GNB1L: variants seen among roughly 807,000 people sequenced by gnomAD.
GNB1L encodes the protein guanine nucleotide-binding protein subunit beta-like protein 1.
GNB1L carries 20 observed loss-of-function variants against 29.1 expected under a neutral mutation model. The observed-to-expected ratio is 0.69, with a 90% CI of 0.48 to 1.00. The LOEUF (loss-of-function observed/expected upper bound fraction) is 1.00. Among genes scored for constraint, GNB1L ranks in the 50% least tolerant of loss-of-function variants. The pLI, the probability that GNB1L is intolerant of heterozygous loss-of-function variation, is 0.00. For missense variants in GNB1L, 421 were observed against 464.9 expected, an observed-to-expected ratio of 0.91 and a Z score of 0.87; for synonymous variants, 193 against 206.5, an observed-to-expected ratio of 0.93 and a Z score of 0.56.
rs1324502117 is a variant in GNB1L at position 19,816,776 on chromosome 22, C to T, written c.254+3822G>A. 2.6e-5 allele frequency among the ~76,000 whole-genome samples: 4 copies of T among 152,196 alleles called. No homozygotes were observed. The highest frequency in any genetic ancestry group is 4.4e-5 in the Non-Finnish European group (3 of 68,036). ...TGTAACTCTCCTCTCTGGGCAGGGA[C>T]AACCCTGGCCTCTGTTATCCTGGAG... is the stretch of plus-strand genomic sequence containing the variant. On this transcript the variant is annotated intron_variant, in intron 4 of 7. Coordinates refer to ENST00000329517, the MANE Select transcript of GNB1L (RefSeq NM_053004.3). This position sits in a 1 kb window ranked among gnomAD's most constrained non-coding sequence, Gnocchi z 4.4.
At chr22:19,821,100 G>A (rs2145882027) in intron 3 of GNB1L, 128 bp downstream of exon 3, 3 of 907,712 alleles carry the variant, frequency 3.3e-6, no homozygotes, top group South Asian at 3.2e-5. Flanking sequence ...TGAAAGCTCA[G>A]CAAGCCTGGG....
At chr22:19,850,441 T>G in intron 2 of GNB1L, 2 of 995,098 alleles carry the variant, frequency 2.0e-6, no homozygotes, top group Non-Finnish European at 2.4e-6. Flanking sequence ...AAGAGGAGCC[T>G]GCTTCAGAAC....
At chr22:19,789,460 G>A (rs1009416868) in intron 7 of GNB1L, among the ~76,000 whole-genome samples, 1 of 152,092 alleles carries the variant, frequency 6.6e-6, no homozygotes, top group Non-Finnish European at 1.5e-5. Context: ...AGCTCGACAG[G>A]GCTGGGAGCG....
chr22:19,813,002 C>T (rs1937512324), intron 4 of GNB1L, among the ~76,000 whole-genome samples: 1 of 152,232 alleles, frequency 6.6e-6, no homozygotes, highest in African/African-American at 2.4e-5. Flanking sequence ...CCTGGTAGAA[C>T]AGATGAGGAA....
intron 2 of GNB1L, among the ~76,000 whole-genome samples, chr22:19,845,757 C>G (rs758350177): frequency 6.6e-6 from 1 of 151,706 alleles, no homozygotes; most frequent in South Asian, 2.1e-4. Flanking sequence ...GGCTGTCCAG[C>G]GACAAGGCAC....
chr22:19,788,376 C>G lies in GNB1L; in HGVS notation c.*333G>C. The G allele has an allele frequency of 1.7e-6, 1 of 582,708 alleles. No individual in the cohort carries two copies. Among genetic ancestry groups the G allele is most frequent in the Non-Finnish European group, 3.1e-6 (1 of 327,616 alleles). The allele number at this position is 582,708 out of a possible 1,614,324, so 36.1% of individuals were successfully genotyped here. The stretch of plus-strand genomic sequence containing the variant: ...AGGGCACTGATGCTAAGTGGGGGAC[C>G]AGGGCCTCCTCAGGGAGCTCCCACC... On this transcript the variant is annotated 3_prime_UTR_variant, in exon 8 of 8. Coordinates refer to ENST00000329517, the MANE Select transcript of GNB1L (RefSeq NM_053004.3).
At position 19,843,822 on chromosome 22, in the gene GNB1L, C is replaced by T. The variant is rs148253886; in HGVS notation, c.-21+10621G>A. Among the ~76,000 whole-genome samples the T allele has an allele frequency of 9.1e-4, 139 of 152,370 alleles. No homozygotes were observed. The Middle Eastern group carries it at 0.01, about 11-fold the overall frequency. On this transcript the variant is annotated intron_variant, in intron 2 of 7. Transcript: ENST00000329517. Reference sequence around the variant, plus strand: ...CAGTCCTGTAGGCCCCGACGAAGGACAGCCACCCATCTCCCTTCTGGGTCT... The same window carrying T: ...CAGTCCTGTAGGCCCCGACGAAGGATAGCCACCCATCTCCCTTCTGGGTCT...
At chr22:19,801,940 C>T in intron 7 of GNB1L, 61 bp downstream of exon 7, 1 of 1,324,310 alleles carries the variant, frequency 7.6e-7, no homozygotes, top group Non-Finnish European at 1.0e-6. Flanking sequence ...AATATTGTTT[C>T]AGCCTATCAG....
intron 2 of GNB1L, chr22:19,852,230 G>T: frequency 6.2e-7 from 1 of 1,611,616 alleles, no homozygotes; most frequent in Non-Finnish European, 8.5e-7. Context: ...GGGAATGCGA[G>T]GGCCCTGCTG....
At chr22:19,849,380 T>C (rs986704631) in intron 2 of GNB1L, 1 of 853,410 alleles carries the variant, frequency 1.2e-6, no homozygotes, top group African/African-American at 1.9e-5. Flanking sequence ...TTGTTTTTTT[T>C]TTTTTGGGAT....
chr22:19,809,719 A>G (rs1179616900), intron 5 of GNB1L, among the ~76,000 whole-genome samples: 1 of 152,154 alleles, frequency 6.6e-6, no homozygotes, highest in Non-Finnish European at 1.5e-5. Flanking sequence ...CCTCCATTGC[A>G]CGCCCCGGGA....
intron 2 of GNB1L, among the ~76,000 whole-genome samples, chr22:19,842,397 G>A (rs1212446602): frequency 1.3e-5 from 2 of 152,250 alleles, no homozygotes; most frequent in African/African-American, 4.8e-5. Flanking sequence ...AGTGGGGGCA[G>A]TCAGAGACTA....
At chr22:19,794,844 G>A (rs1937288595) in intron 7 of GNB1L, among the ~76,000 whole-genome samples, 1 of 152,180 alleles carries the variant, frequency 6.6e-6, no homozygotes, top group Non-Finnish European at 1.5e-5. Context: ...AGCCGGGTGT[G>A]GTGGCGTGTG....
chr22:19,788,604 T>C lies in GNB1L; in HGVS notation c.*105A>G, dbSNP rs943671687. 3.6e-6 allele frequency: 5 copies of C among 1,405,500 alleles called. No homozygotes were observed. The highest frequency in any genetic ancestry group is 5.0e-6 in the Non-Finnish European group (5 of 990,472). 87.1% of individuals were successfully genotyped at this position (1,405,500 alleles called of 1,614,324 possible). A position where few individuals can be genotyped will look rare whatever the true frequency, so the allele number is the denominator to read the frequency against. On this transcript the variant is annotated 3_prime_UTR_variant, in exon 8 of 8. Transcript: ENST00000329517. The stretch of plus-strand genomic sequence containing the variant: ...CGGGGACTCCATGGTCCTTGGGCCA[T>C]GACTTGCTGGTCCTCAGAGGCCCTT...
chr22:19,796,482 T>C (rs1486159807), intron 7 of GNB1L, among the ~76,000 whole-genome samples: 1 of 152,172 alleles, frequency 6.6e-6, no homozygotes, highest in Non-Finnish European at 1.5e-5. Flanking sequence ...ACTAATATCA[T>C]TCAGACCTTG....
chr22:19,805,766 A>T (rs147758550), intron 6 of GNB1L, among the ~76,000 whole-genome samples: 3,153 of 151,840 alleles, frequency 0.021, 89 homozygotes, highest in African/African-American at 0.066. Flanking sequence ...TGGGTGACAG[A>T]GCGAGACTCC....
Position 19,788,597 on chromosome 22 carries a change from T to C in GNB1L, c.*112A>G. The C allele has an allele frequency of 2.2e-6, 3 of 1,334,924 alleles. No individual in the cohort carries two copies. The highest frequency in any genetic ancestry group is 3.2e-6 in the Non-Finnish European group (3 of 925,956). 82.7% of individuals were successfully genotyped at this position (1,334,924 alleles called of 1,614,324 possible). ...AAGACAGCGGGGACTCCATGGTCCT[T>C]GGGCCATGACTTGCTGGTCCTCAGA... On this transcript the variant is annotated 3_prime_UTR_variant, in exon 8 of 8. Coordinates refer to ENST00000329517, the MANE Select transcript of GNB1L (RefSeq NM_053004.3).
intron 4 of GNB1L, 104 bp from the exon 5 acceptor site, chr22:19,812,551 G>T: frequency 8.9e-7 from 1 of 1,126,714 alleles, no homozygotes; most frequent in Non-Finnish European, 1.3e-6. Context: ...CAGAGAGTGG[G>T]TGCCGTGAGC....
intron 7 of GNB1L, chr22:19,792,886 C>T: frequency 8.8e-7 from 1 of 1,137,222 alleles, no homozygotes; most frequent in Non-Finnish European, 1.3e-6. Flanking sequence ...CACAGGAAGA[C>T]CTGCACCACT....
Sources: allele counts gnomAD v4.1 joint callset (sites outside exome capture counted in the v4.1 genomes callset), GRCh38; gene constraint gnomAD v4.1.1; non-coding constraint Gnocchi (gnomAD v3.1); transcripts MANE v1.5; gene names NCBI Gene and HGNC (gene_info 2026-07-23, HGNC 2026-07-21).